CACNA2D4: variants seen among roughly 807,000 people sequenced by gnomAD.
CACNA2D4 encodes the protein calcium voltage-gated channel auxiliary subunit alpha2delta 4.
A neutral mutation model predicts 163.8 loss-of-function variants in CACNA2D4; 157 were observed. That is an observed-to-expected ratio of 0.96 (90% CI 0.84 to 1.09). CACNA2D4 has a LOEUF of 1.09. CACNA2D4 is among the 50% of genes least tolerant of loss of function. CACNA2D4 has a pLI of 0.00. For synonymous variants in CACNA2D4, 598 were observed against 586.9 expected, an observed-to-expected ratio of 1.02 and a Z score of -0.27; for missense variants, 1,410 against 1,479.9, an observed-to-expected ratio of 0.95 and a Z score of 0.78.
At chr12:1,906,535 C>T (rs1866662405) in intron 6 of CACNA2D4, among the ~76,000 whole-genome samples, 1 of 152,182 alleles carries the variant, frequency 6.6e-6, no homozygotes, top group Non-Finnish European at 1.5e-5. Context: ...GATGCGTTCA[C>T]ATCTGGACTG....
At chr12:1,823,813 A>T (rs981628616) in intron 26 of CACNA2D4, among the ~76,000 whole-genome samples, 3 of 152,176 alleles carry the variant, frequency 2.0e-5, no homozygotes, top group Non-Finnish European at 4.4e-5. Flanking sequence ...CTCCAGCGGG[A>T]GTGGATCAGG....
At position 1,875,209 on chromosome 12, in the gene CACNA2D4, A is replaced by C; in HGVS notation, c.1806+42T>G. 7.1e-7 allele frequency: 1 copy of C among 1,402,480 alleles called. No homozygotes were observed. Among genetic ancestry groups the C allele is most frequent in the Non-Finnish European group, 1.0e-6 (1 of 987,492 alleles). 86.9% of individuals were successfully genotyped at this position (1,402,480 alleles called of 1,614,324 possible). A position where few individuals can be genotyped will look rare whatever the true frequency, so the allele number is the denominator to read the frequency against. ...ACAGCTGACCCATTTAGTTGGATGT[A>C]GAGCCTAACTAGCTTCCCTTCCCCC... On this transcript the variant is annotated intron_variant, in intron 17 of 37. Transcript: ENST00000382722. This position sits in a 1 kb window ranked among gnomAD's most constrained non-coding sequence, Gnocchi z 4.0.
chr12:1,894,349 T>C (rs1307030736), intron 6 of CACNA2D4, among the ~76,000 whole-genome samples: 2 of 152,136 alleles, frequency 1.3e-5, no homozygotes, highest in African/African-American at 2.4e-5. Context: ...TATTCCAAAA[T>C]ATTGGAGAGG....
In CACNA2D4 at chr12:1,848,689, G is replaced by A. The variant is rs189559562; in HGVS notation, c.2247-2000C>T. Among the ~76,000 whole-genome samples, 852 of 151,840 alleles carry A rather than the reference G, an allele frequency of 5.6e-3. 8 individuals carry two copies. The highest frequency in any genetic ancestry group is 0.02 in the Middle Eastern group (6 of 294). ...CTTTCCTAACAATCTTCCAAAGATG[G>A]CCAATGAGGTTTTTTCCAGTATCAT... On this transcript the variant is annotated intron_variant, in intron 23 of 37. Transcript: ENST00000382722.
chr12:1,879,659 C>T (rs866455510), intron 14 of CACNA2D4, 145 bp downstream of exon 14: 4 of 687,272 alleles, frequency 5.8e-6, no homozygotes, highest in Non-Finnish European at 7.8e-6. Flanking sequence ...GGGGTAGCTA[C>T]TCTGGGACAG....
chr12:1,814,865 CTAA>C (rs981366765), intron 26 of CACNA2D4, among the ~76,000 whole-genome samples: 2 of 152,194 alleles, frequency 1.3e-5, no homozygotes, highest in African/African-American at 4.8e-5. Context: ...TTAAAACCCT[CTAA>C]TGTCGTCCCA....
At position 1,844,269 on chromosome 12, in the gene CACNA2D4, AG is replaced by A; in HGVS notation, c.2470+132del. The A allele has an allele frequency of 9.3e-7, 1 of 1,078,450 alleles. No individual in the cohort carries two copies. Among genetic ancestry groups the A allele is most frequent in the Admixed American group, 2.5e-5 (1 of 39,428 alleles). The allele number at this position is 1,078,450 out of a possible 1,614,324, so 66.8% of individuals were successfully genotyped here. A position where few individuals can be genotyped will look rare whatever the true frequency, so the allele number is the denominator to read the frequency against. ...CACTAATGCATGCAGGAGGGAAGGC[AG>A]GAGGGGAACCCTGGTGGTCTGGACA... On this transcript the variant is annotated intron_variant, in intron 25 of 37. Transcript: ENST00000382722. This position sits in a 1 kb window ranked among gnomAD's most constrained non-coding sequence, Gnocchi z 4.2.
intron 16 of CACNA2D4, among the ~76,000 whole-genome samples, chr12:1,876,642 G>A (rs924382909): frequency 2.6e-5 from 4 of 152,092 alleles, no homozygotes; most frequent in Non-Finnish European, 5.9e-5. Context: ...GAAGTGTCGT[G>A]CTGATTTCTT....
intron 6 of CACNA2D4, among the ~76,000 whole-genome samples, chr12:1,904,861 A>G (rs1016413714): frequency 3.3e-5 from 5 of 152,100 alleles, no homozygotes; most frequent in Non-Finnish European, 5.9e-5. Context: ...AGGCTTATAG[A>G]AAACAAATAG....
intron 19 of CACNA2D4, 86 bp downstream of exon 19, chr12:1,860,059 A>G: frequency 9.1e-7 from 1 of 1,101,844 alleles, no homozygotes; most frequent in South Asian, 1.3e-5. Context: ...GTCTTTTGCT[A>G]TTACCACAAA....
intron 37 of CACNA2D4, 117 bp from the exon 38 acceptor site, chr12:1,793,876 C>T (rs760313196): frequency 2.8e-5 from 21 of 747,808 alleles, no homozygotes; most frequent in Admixed American, 4.6e-5. Context: ...TTTGGAAAGC[C>T]GGGGAAGCAC....
intron 26 of CACNA2D4, among the ~76,000 whole-genome samples, chr12:1,837,488 G>T (rs987046394): frequency 6.6e-6 from 1 of 152,154 alleles, no homozygotes; most frequent in African/African-American, 2.4e-5. Context: ...TTATAAGCAT[G>T]CTGCAAGCCC....
rs765823931 is a variant in CACNA2D4 at position 1,795,741 on chromosome 12, G to A, written c.3153C>T (p.Leu1051=). ...CACAGGTGGGGTCTGTCACCAGGAG[G>A]AGGAGGTTACTGTTGGGAATCTGCT... ...VVQQIPNSNL[L]LLVTDPTCDC... The change falls in exon 36 of 38, where the codon CTC becomes CTT. Residue 1051 remains leucine, a synonymous_variant. Coordinates refer to ENST00000382722, the MANE Select transcript of CACNA2D4 (RefSeq NM_172364.5). 1.4e-5 allele frequency: 22 copies of A among 1,613,594 alleles called. No homozygotes were observed. The highest frequency in any genetic ancestry group is 1.7e-5 in the Non-Finnish European group (20 of 1,179,664).
At chr12:1,807,579 C>G (rs866572688) in intron 29 of CACNA2D4, among the ~76,000 whole-genome samples, 6 of 152,074 alleles carry the variant, frequency 3.9e-5, no homozygotes, top group Admixed American at 2.0e-4. Context: ...TAGCCCCAGA[C>G]TCTCCGCCGC....
rs773002770 is a variant in CACNA2D4, at chr12:1,875,380, C to T, written c.1720-43G>A. On this transcript the variant is annotated intron_variant, in intron 16 of 37. Coordinates refer to ENST00000382722, the MANE Select transcript of CACNA2D4 (RefSeq NM_172364.5). This position sits in a 1 kb window ranked among gnomAD's most constrained non-coding sequence, Gnocchi z 4.0. ...GGAAGAAAAACATGTGGTCAGTATA[C>T]GTCCTGCTCAAGTTTATCTCTTCTA... 26 of 1,234,856 alleles carry T rather than the reference C, an allele frequency of 2.1e-5. 1 individual carries two copies. The South Asian group carries it at 2.5e-4, about 12-fold the overall frequency. 76.5% of individuals were successfully genotyped at this position (1,234,856 alleles called of 1,614,324 possible).
chr12:1,795,587 C>T (rs1863095211), intron 36 of CACNA2D4, 81 bp downstream of exon 36: 6 of 1,063,054 alleles, frequency 5.6e-6, no homozygotes, highest in Non-Finnish European at 5.8e-6. Flanking sequence ...AGGCTGGCCC[C>T]GCTGCTCAAA....
intron 37 of CACNA2D4, 194 bp downstream of exon 37, chr12:1,795,105 A>G: frequency 3.3e-6 from 2 of 600,290 alleles, no homozygotes; most frequent in Non-Finnish European, 5.9e-6. Context: ...ATCAGGACAA[A>G]GACTAAATAA....
In CACNA2D4 at chr12:1,884,301, G is replaced by A; in HGVS notation, c.1293C>T (p.Leu431=). Residue 431 remains leucine, a synonymous_variant, in exon 12 of 38, where the codon CTC becomes CTT. Coordinates refer to ENST00000382722, the MANE Select transcript of CACNA2D4 (RefSeq NM_172364.5). ...PDCKVRVFTY[L]IGREVSFADR... ...CAGCAAAAGACACTTCTCTCCCAATGAGGTAAGTGAAAACTCGGACCTAAC... is the reference window on the plus strand; with the variant it reads ...CAGCAAAAGACACTTCTCTCCCAATAAGGTAAGTGAAAACTCGGACCTAAC... 6.2e-7 allele frequency: 1 copy of A among 1,612,602 alleles called. No homozygotes were observed. Among genetic ancestry groups the A allele is most frequent in the Non-Finnish European group, 8.5e-7 (1 of 1,179,484 alleles).
chr12:1,855,343 C>G (rs138122457), intron 22 of CACNA2D4, among the ~76,000 whole-genome samples: 2 of 152,220 alleles, frequency 1.3e-5, no homozygotes, highest in African/African-American at 4.8e-5. Flanking sequence ...TCTTCTTATG[C>G]GGGTGACAAT....
Sources: allele counts gnomAD v4.1 joint callset (sites outside exome capture counted in the v4.1 genomes callset), GRCh38; gene constraint gnomAD v4.1.1; non-coding constraint Gnocchi (gnomAD v3.1); transcripts MANE v1.5; gene names NCBI Gene and HGNC (gene_info 2026-07-23, HGNC 2026-07-21).